RPH3A: variants seen among roughly 807,000 people sequenced by gnomAD.
RPH3A encodes rabphilin-3A.
A neutral mutation model predicts 102.2 loss-of-function variants in RPH3A; 48 were observed. The observed-to-expected ratio is 0.47, with a 90% CI of 0.37 to 0.60. The LOEUF (loss-of-function observed/expected upper bound fraction) is 0.60, where lower values mean the gene tolerates loss of function less well. Among genes scored for constraint, RPH3A ranks in the 20% least tolerant of loss-of-function variants. RPH3A has a pLI of 0.00. For synonymous variants in RPH3A, 310 were observed against 324.3 expected (o/e 0.96, Z 0.47); for missense variants, 781 against 910.1 (o/e 0.86, Z 1.83).
intron 1 of RPH3A, among the ~76,000 whole-genome samples, chr12:112,633,395 T>C (rs181956675): frequency 5.6e-4 from 85 of 152,280 alleles, no homozygotes; most frequent in African/African-American, 1.9e-3. Flanking sequence ...TAAGAGGTGA[T>C]TGAGTCATGA....
intron 1 of RPH3A, among the ~76,000 whole-genome samples, chr12:112,602,501 G>A (rs2039566387): frequency 6.6e-6 from 1 of 152,216 alleles, no homozygotes; most frequent in Non-Finnish European, 1.5e-5. Context: ...AGAGGAAGGA[G>A]TGTTCTCATC....
chr12:112,833,484 G>A (rs1040133180), intron 3 of RPH3A, among the ~76,000 whole-genome samples: 2 of 90,902 alleles, frequency 2.2e-5, no homozygotes, highest in African/African-American at 8.7e-5. Flanking sequence ...CCTACCTTGG[G>A]AACATTTTTC....
In RPH3A at chr12:112,866,126, T is replaced by C. The variant is rs538237712; in HGVS notation, c.360+583T>C. On this transcript the variant is annotated intron_variant, in intron 6 of 21. Transcript: ENST00000389385. ...GGTCTGCCGGACTCCAAGAGTTCAG[T>C]TGAACAACCCAGCTGGAGACATCTA... 7.0e-4 allele frequency among the ~76,000 whole-genome samples: 107 copies of C among 152,310 alleles called. 1 individual carries two copies. The South Asian group carries it at 0.02, about 29-fold the overall frequency.
chr12:112,845,322 C>T (rs568182784), intron 4 of RPH3A, among the ~76,000 whole-genome samples: 6 of 152,310 alleles, frequency 3.9e-5, no homozygotes, highest in South Asian at 2.1e-4. Context: ...CCTTCCATCA[C>T]GCCTTCAGCT....
Position 112,832,129 on chromosome 12 carries a change from A to G in RPH3A, c.71+3740A>G, listed in dbSNP as rs919075351. On this transcript the variant is annotated intron_variant, in intron 3 of 21. Coordinates refer to ENST00000389385, the MANE Select transcript of RPH3A (RefSeq NM_001143854.2). ...ATTCTCTCTCTCACTTTTTTCTTTG[A>G]GTTGGGGTCTTGCTCTGTCTGTTCT... Among the ~76,000 whole-genome samples, 5 of 151,576 alleles carry G rather than the reference A, an allele frequency of 3.3e-5. No homozygotes were observed. In the East Asian group the frequency reaches 5.8e-4, roughly 18 times the overall value.
rs539476929 is a variant in RPH3A at position 112,819,071 on chromosome 12, A to G, written c.-18-9230A>G. On this transcript the variant is annotated intron_variant, in intron 2 of 21. Transcript: ENST00000389385. ...ATTTGAGATATGTATATATGTGTGT[A>G]TATATATATATTTGAGATATATATA... Among the ~76,000 whole-genome samples, 279 of 151,546 alleles carry G rather than the reference A, an allele frequency of 1.8e-3. 4 individuals are homozygous for G. Among genetic ancestry groups the G allele is most frequent in the Admixed American group, 4.1e-3 (63 of 15,198 alleles).
At chr12:112,836,006 G>T (rs1365161327) in intron 3 of RPH3A, among the ~76,000 whole-genome samples, 2 of 152,206 alleles carry the variant, frequency 1.3e-5, no homozygotes, top group African/African-American at 4.8e-5. Context: ...GATATGACCT[G>T]CTTTTGGTTG....
At chr12:112,677,936 A>G (rs1361696070) in intron 1 of RPH3A, among the ~76,000 whole-genome samples, 1 of 151,666 alleles carries the variant, frequency 6.6e-6, no homozygotes, top group Non-Finnish European at 1.5e-5. Context: ...CATGCCTGTA[A>G]TCCCAGCACT....
intron 4 of RPH3A, among the ~76,000 whole-genome samples, chr12:112,842,657 G>A (rs1029485): frequency 0.062 from 9,383 of 152,258 alleles, 490 homozygotes; most frequent in Admixed American, 0.14. Context: ...TGAAAATGCC[G>A]GTACTCGCCT....
upstream of RPH3A, among the ~76,000 whole-genome samples, chr12:112,789,887 CAAAA>C (rs144494791): frequency 5.7e-5 from 4 of 70,788 alleles, no homozygotes; most frequent in Admixed American, 1.5e-4. Context: ...CCCATCTCTG[CAAAA>C]AAAAAAAAAA....
intron 1 of RPH3A, among the ~76,000 whole-genome samples, chr12:112,758,588 A>G (rs191260468): frequency 3.9e-5 from 6 of 152,340 alleles, no homozygotes; most frequent in African/African-American, 1.4e-4. Flanking sequence ...TAATTCTCAC[A>G]ATATCCCTAT....
chr12:112,596,681 A>T (rs1261536653), intron 1 of RPH3A, among the ~76,000 whole-genome samples: 1 of 152,146 alleles, frequency 6.6e-6, no homozygotes, highest in African/African-American at 2.4e-5. Context: ...CTTCTTCTAT[A>T]TTGCTTGATT....
intron 1 of RPH3A, among the ~76,000 whole-genome samples, chr12:112,667,550 T>C (rs1232983445): frequency 6.6e-6 from 1 of 151,920 alleles, no homozygotes; most frequent in Non-Finnish European, 1.5e-5. Context: ...GGACAAGTTA[T>C]ATATAAAGGG....
chr12:112,754,073 C>T (rs975355958), intron 1 of RPH3A, among the ~76,000 whole-genome samples: 4 of 152,086 alleles, frequency 2.6e-5, no homozygotes, highest in Admixed American at 6.6e-5. Flanking sequence ...AGGAGTGCAG[C>T]GCTGACAATC....
chr12:112,825,852 G>C (rs931643996), intron 2 of RPH3A, among the ~76,000 whole-genome samples: 1 of 152,140 alleles, frequency 6.6e-6, no homozygotes, highest in East Asian at 1.9e-4. Flanking sequence ...AACTAAATCA[G>C]AGTAAAGGAG....
At chr12:112,765,771 C>A (rs2040884317) in intron 1 of RPH3A, among the ~76,000 whole-genome samples, 1 of 152,132 alleles carries the variant, frequency 6.6e-6, no homozygotes, top group Admixed American at 6.5e-5. Context: ...GGACTGGAAC[C>A]ACACCTCGCT....
At chr12:112,853,207 G>C (rs1011417589) in intron 5 of RPH3A, among the ~76,000 whole-genome samples, 4 of 152,112 alleles carry the variant, frequency 2.6e-5, no homozygotes, top group Non-Finnish European at 4.4e-5. Context: ...GCAGACATCT[G>C]TCCTATGGCT....
At chr12:112,751,912 A>G (rs2040788089) in intron 1 of RPH3A, among the ~76,000 whole-genome samples, 1 of 152,198 alleles carries the variant, frequency 6.6e-6, no homozygotes, top group Non-Finnish European at 1.5e-5. Context: ...GTGTATGATA[A>G]TATTGTCATG....
chr12:112,661,973 C>T (rs1381756095), intron 1 of RPH3A, among the ~76,000 whole-genome samples: 2 of 152,086 alleles, frequency 1.3e-5, no homozygotes, highest in Non-Finnish European at 2.9e-5. Flanking sequence ...CAGGGATCAT[C>T]CCCTCCTCTC....
Sources: gnomAD v4.1 joint callset for allele counts (sites outside exome capture counted in the v4.1 genomes callset) on GRCh38, gnomAD v4.1.1 for gene constraint, MANE v1.5 for transcripts, NCBI Gene and HGNC (gene_info 2026-07-23, HGNC 2026-07-21) for gene names.